The following WDFY2 variants were observed in gnomAD, a reference collection of about 807,000 sequenced individuals.
WDFY2 encodes the protein WD repeat and FYVE domain containing 2.
A neutral mutation model predicts 56.4 loss-of-function variants in WDFY2; 36 were observed. The ratio of observed to expected loss-of-function variants is 0.64; its 90% CI spans 0.49 to 0.84. WDFY2 has a LOEUF of 0.84. WDFY2 is among the 40% of genes least tolerant of loss of function. The pLI, the probability that WDFY2 is intolerant of heterozygous loss-of-function variation, is 0.00. For missense variants in WDFY2, 444 were observed against 512.2 expected, an observed-to-expected ratio of 0.87 and a Z score of 1.29; for synonymous variants, 176 against 183.7, an observed-to-expected ratio of 0.96 and a Z score of 0.34.
chr13:51,599,930 C>G (rs1313656163), intron 1 of WDFY2, among the ~76,000 whole-genome samples: 2 of 151,724 alleles, frequency 1.3e-5, no homozygotes, highest in Non-Finnish European at 2.9e-5. Flanking sequence ...ACCAAAAAAC[C>G]AAAACTGCTC....
At chr13:51,722,292 T>C (rs1952508831) in intron 5 of WDFY2, among the ~76,000 whole-genome samples, 1 of 152,074 alleles carries the variant, frequency 6.6e-6, no homozygotes, top group South Asian at 2.1e-4. Flanking sequence ...CTTTCAGGCG[T>C]CTTAGTGGAG....
chr13:51,620,234 A>G (rs1162956705), intron 1 of WDFY2, among the ~76,000 whole-genome samples: 2 of 150,786 alleles, frequency 1.3e-5, no homozygotes, highest in Non-Finnish European at 2.9e-5. Flanking sequence ...GGGTTGGGAG[A>G]CTGTGTGGGT....
At chr13:51,751,236 T>C in intron 7 of WDFY2, 74 bp from the exon 8 acceptor site, 1 of 1,481,430 alleles carries the variant, frequency 6.8e-7, no homozygotes, top group Non-Finnish European at 9.2e-7. Context: ...ATTGGCTGAC[T>C]TTGCCAAGGT....
intron 5 of WDFY2, among the ~76,000 whole-genome samples, chr13:51,725,766 T>C (rs1248989646): frequency 6.6e-6 from 1 of 151,404 alleles, no homozygotes; most frequent in African/African-American, 2.4e-5. Context: ...TGAACATGGC[T>C]CACTGCAGCT....
At chr13:51,599,182 T>C in intron 1 of WDFY2, 2 of 152,434 alleles carry the variant, frequency 1.3e-5, no homozygotes, top group Non-Finnish European at 2.9e-5. Flanking sequence ...GCTGGGATTA[T>C]AGGCATGAGC....
intron 4 of WDFY2, among the ~76,000 whole-genome samples, chr13:51,717,591 G>T (rs193086951): frequency 6.6e-6 from 1 of 152,038 alleles, no homozygotes; most frequent in South Asian, 2.1e-4. Flanking sequence ...GCCACTTTCT[G>T]CTTGAAATCG....
intron 7 of WDFY2, among the ~76,000 whole-genome samples, chr13:51,744,748 A>G (rs141964797): frequency 8.5e-5 from 13 of 152,348 alleles, no homozygotes; most frequent in Non-Finnish European, 1.6e-4. Context: ...CATCCATGAA[A>G]TAATGACCAG....
chr13:51,664,655 C>T (rs1383572328), intron 2 of WDFY2, among the ~76,000 whole-genome samples: 1 of 152,164 alleles, frequency 6.6e-6, no homozygotes, highest in East Asian at 1.9e-4. Context: ...CTAAGTTCAC[C>T]TGAGCAGATT....
At chr13:51,710,404 T>G (rs1174464284) in intron 4 of WDFY2, among the ~76,000 whole-genome samples, 1 of 152,024 alleles carries the variant, frequency 6.6e-6, no homozygotes. Context: ...CTCTCACCAC[T>G]CCTATTCAAC....
At chr13:51,722,685 G>A (rs961466575) in intron 5 of WDFY2, among the ~76,000 whole-genome samples, 5 of 152,186 alleles carry the variant, frequency 3.3e-5, no homozygotes, top group Admixed American at 6.5e-5. Flanking sequence ...TCAAGGTCAC[G>A]TAACTGTTAG....
In WDFY2 at chr13:51,758,291, G is replaced by C. The variant is rs1953464516; in HGVS notation, c.1164G>C (p.Lys388Asn). ...GGTTACTGACTTCTGGAACTGACAA[G>C]GTTATTAAGGTAAGATGCCATCTTA... ...RGWLLTSGTD[K>N]VIKLWDMTPV... Residue 388 changes from lysine (K) to asparagine (N), a missense_variant, in exon 11 of 12, where the codon AAG becomes AAC. Transcript: ENST00000298125. The C allele has an allele frequency of 6.3e-7, 1 of 1,587,364 alleles. No individual in the cohort carries two copies. The highest frequency in any genetic ancestry group is 2.3e-5 in the East Asian group (1 of 44,432).
chr13:51,585,378 G>A (rs546083479), intron 1 of WDFY2, among the ~76,000 whole-genome samples: 2 of 152,340 alleles, frequency 1.3e-5, no homozygotes, highest in South Asian at 4.1e-4. Context: ...AGGCTTCTGC[G>A]TGGTGCCTTC....
chr13:51,746,379 C>T (rs1416138251), intron 7 of WDFY2, among the ~76,000 whole-genome samples: 1 of 152,220 alleles, frequency 6.6e-6, no homozygotes, highest in African/African-American at 2.4e-5. Context: ...TTGCTAGGTT[C>T]TTGGCCTGGT....
chr13:51,759,097 C>G (rs911043291), intron 11 of WDFY2, among the ~76,000 whole-genome samples: 2 of 152,180 alleles, frequency 1.3e-5, no homozygotes, highest in Non-Finnish European at 2.9e-5. Flanking sequence ...GCAAGAATTA[C>G]TTGAGCCCAG....
intron 3 of WDFY2, among the ~76,000 whole-genome samples, chr13:51,695,657 G>C (rs1951854155): frequency 6.6e-6 from 1 of 152,264 alleles, no homozygotes; most frequent in Non-Finnish European, 1.5e-5. Context: ...TGAGGAGGCA[G>C]TCTGCCTGTT....
chr13:51,734,385 T>A (rs1307807872), intron 6 of WDFY2, among the ~76,000 whole-genome samples: 1 of 152,220 alleles, frequency 6.6e-6, no homozygotes, highest in Non-Finnish European at 1.5e-5. Context: ...TTAGAAAAAT[T>A]CATACTTAAA....
At chr13:51,734,687 C>T (rs1407032912) in intron 6 of WDFY2, among the ~76,000 whole-genome samples, 1 of 152,106 alleles carries the variant, frequency 6.6e-6, no homozygotes, top group African/African-American at 2.4e-5. Context: ...TCTTCATCAT[C>T]CTTAATAGAA....
chr13:51,630,466 C>CTTT (rs1166268063), intron 1 of WDFY2, among the ~76,000 whole-genome samples: 1 of 141,262 alleles, frequency 7.1e-6, no homozygotes, highest in Non-Finnish European at 1.6e-5. Context: ...CCCTTTCTTT[C>CTTT]TTTTTTTTTT....
At chr13:51,692,120 A>G (rs1237746473) in intron 3 of WDFY2, among the ~76,000 whole-genome samples, 2 of 152,242 alleles carry the variant, frequency 1.3e-5, no homozygotes, top group Middle Eastern at 3.4e-3. Context: ...TTCTAGATAT[A>G]CAATCATGTC....
Sources: gnomAD v4.1 joint callset for allele counts (sites outside exome capture counted in the v4.1 genomes callset) on GRCh38, gnomAD v4.1.1 for gene constraint, MANE v1.5 for transcripts, NCBI Gene and HGNC (gene_info 2026-07-23, HGNC 2026-07-21) for gene names.